PCSK2: variants seen among roughly 807,000 people sequenced by gnomAD.
The protein encoded by PCSK2 is proprotein convertase subtilisin/kexin type 2.
A neutral mutation model predicts 69.7 loss-of-function variants in PCSK2; 14 were observed. The observed-to-expected ratio is 0.20, with a 90% CI of 0.13 to 0.31. The LOEUF (loss-of-function observed/expected upper bound fraction) is 0.31. PCSK2 is among the 10% of genes least tolerant of loss of function. The pLI, the probability that PCSK2 is intolerant of heterozygous loss-of-function variation, is 1.00. For synonymous variants in PCSK2, 307 were observed against 320.7 expected (o/e 0.96, Z 0.46); for missense variants, 544 against 842.5 (o/e 0.65, Z 4.39).
At chr20:17,312,725 G>C (rs1201372790) in intron 2 of PCSK2, among the ~76,000 whole-genome samples, 1 of 152,064 alleles carries the variant, frequency 6.6e-6, no homozygotes, top group Non-Finnish European at 1.5e-5. Context: ...GAGAGGTGCT[G>C]TAGTGGTGGA....
chr20:17,360,687 T>C (rs1308018186), intron 4 of PCSK2, 47 bp downstream of exon 4: 1 of 1,134,732 alleles, frequency 8.8e-7, no homozygotes. Context: ...AGCGTGCCTT[T>C]GCTTGCCTTT....
rs1164266992 is a variant in PCSK2 at position 17,480,184 on chromosome 20, C to CTTT, written c.1431-1379_1431-1377dup. 2.3e-3 allele frequency among the ~76,000 whole-genome samples: 175 copies of CTTT among 76,954 alleles called. 3 individuals carry two copies. Among genetic ancestry groups the CTTT allele is most frequent in the Middle Eastern group, 9.6e-3 (1 of 104 alleles). The allele number at this position is 76,954 out of a possible 152,430, so 50.5% of individuals were successfully genotyped here. On this transcript the variant is annotated intron_variant, in intron 11 of 11. Transcript: ENST00000262545. ...ATTAATTTACCCATTTTCAGCTTTT[C>CTTT]TTTTTTTTTTTTTTTTTTTTTTTGA...
rs1350012614 is a variant in PCSK2, at chr20:17,484,355, C to T, written c.*2285C>T. ...TATTTGGTCTCTATTTCATTTTTTG[C>T]ATCAGTATTAATACTAAAATATGTC... is the stretch of plus-strand genomic sequence containing the variant. On this transcript the variant is annotated 3_prime_UTR_variant, in exon 12 of 12. Coordinates refer to ENST00000262545, the MANE Select transcript of PCSK2 (RefSeq NM_002594.5). 1 of 152,192 alleles carries T rather than the reference C, an allele frequency of 6.6e-6. No individual in the cohort carries two copies. Among genetic ancestry groups the T allele is most frequent in the Non-Finnish European group, 1.5e-5 (1 of 67,892 alleles). The allele number at this position is 152,192 out of a possible 1,614,324, so 9.4% of individuals were successfully genotyped here.
chr20:17,323,988 C>T (rs1989959353), intron 2 of PCSK2, among the ~76,000 whole-genome samples: 1 of 152,218 alleles, frequency 6.6e-6, no homozygotes. Flanking sequence ...CAGAGAAGCC[C>T]TCAACCAATG....
intron 1 of PCSK2, among the ~76,000 whole-genome samples, chr20:17,236,348 T>C (rs1258804398): frequency 6.6e-6 from 1 of 152,146 alleles, no homozygotes; most frequent in Non-Finnish European, 1.5e-5. Context: ...TGTCTCATAT[T>C]TAGGAGTTTG....
chr20:17,303,542 A>T (rs372904345), intron 2 of PCSK2, among the ~76,000 whole-genome samples: 9 of 43,700 alleles, frequency 2.1e-4, no homozygotes, highest in Middle Eastern at 0.017. Context: ...TATTATATAT[A>T]ATATGATATA....
intron 2 of PCSK2, among the ~76,000 whole-genome samples, chr20:17,336,111 C>T (rs1272039437): frequency 1.3e-5 from 2 of 152,132 alleles, no homozygotes; most frequent in African/African-American, 4.8e-5. Context: ...TTAACACTGT[C>T]ACAATTGTAA....
intron 2 of PCSK2, among the ~76,000 whole-genome samples, chr20:17,303,479 AAT>A (rs1178035941): frequency 9.0e-5 from 4 of 44,660 alleles, no homozygotes; most frequent in Non-Finnish European, 1.9e-4. Context: ...TATTATATAT[AAT>A]ATATATTATA....
intron 7 of PCSK2, among the ~76,000 whole-genome samples, chr20:17,435,379 G>A (rs534768899): frequency 2.0e-5 from 3 of 152,300 alleles, no homozygotes; most frequent in South Asian, 4.1e-4. Flanking sequence ...AAGTAGTTGC[G>A]ATAGAAGGTT....
At chr20:17,446,978 C>T (rs919013455) in intron 8 of PCSK2, among the ~76,000 whole-genome samples, 3 of 151,954 alleles carry the variant, frequency 2.0e-5, no homozygotes, top group African/African-American at 7.3e-5. Flanking sequence ...TGAGGTCAGG[C>T]GAGGTGGCTC....
At chr20:17,459,971 G>A (rs1409484961) in intron 10 of PCSK2, among the ~76,000 whole-genome samples, 2 of 152,174 alleles carry the variant, frequency 1.3e-5, no homozygotes, top group Admixed American at 6.5e-5. Flanking sequence ...ATGAAACAAC[G>A]AATCCAAATA....
At chr20:17,367,160 C>A (rs989195227) in intron 4 of PCSK2, among the ~76,000 whole-genome samples, 1 of 150,982 alleles carries the variant, frequency 6.6e-6, no homozygotes, top group Non-Finnish European at 1.5e-5. Context: ...AATTTTTCAC[C>A]CAATGAGTTC....
At chr20:17,369,103 T>C (rs1403778532) in intron 4 of PCSK2, 137 bp from the exon 5 acceptor site, 1 of 717,824 alleles carries the variant, frequency 1.4e-6, no homozygotes, top group Non-Finnish European at 2.5e-6. Flanking sequence ...CTGGGAGCTG[T>C]GTGATGGGGC....
intron 2 of PCSK2, chr20:17,263,077 G>C (rs866979153): frequency 4.4e-6 from 4 of 913,948 alleles, no homozygotes; most frequent in Middle Eastern, 5.6e-4. Context: ...TTCATCTACT[G>C]AGGTAGCTTT....
intron 6 of PCSK2, among the ~76,000 whole-genome samples, chr20:17,410,526 T>G (rs16999123): frequency 0.085 from 12,987 of 152,172 alleles, 634 homozygotes; most frequent in Middle Eastern, 0.22. Context: ...GAAATTTAAT[T>G]TTGTAATATT....
At chr20:17,237,102 G>T (rs1392009186) in intron 1 of PCSK2, among the ~76,000 whole-genome samples, 1 of 151,974 alleles carries the variant, frequency 6.6e-6, no homozygotes, top group Admixed American at 6.6e-5. Flanking sequence ...AGAGGTGAGA[G>T]AAATGGAATC....
intron 2 of PCSK2, among the ~76,000 whole-genome samples, chr20:17,328,142 G>A (rs554238032): frequency 5.9e-5 from 9 of 152,182 alleles, no homozygotes; most frequent in African/African-American, 1.7e-4. Context: ...ATTCACCAAC[G>A]TTAAATTTCC....
chr20:17,241,680 A>G (rs1600402077), intron 1 of PCSK2, among the ~76,000 whole-genome samples: 1 of 152,234 alleles, frequency 6.6e-6, no homozygotes, highest in African/African-American at 2.4e-5. Context: ...TTGTAGTCAC[A>G]CTGAACGGCT....
intron 1 of PCSK2, among the ~76,000 whole-genome samples, chr20:17,254,651 T>C (rs1345906844): frequency 6.6e-6 from 1 of 152,232 alleles, no homozygotes; most frequent in African/African-American, 2.4e-5. Flanking sequence ...TCCAACTTTG[T>C]TCTTCTTTAT....
Sources: allele counts gnomAD v4.1 joint callset (sites outside exome capture counted in the v4.1 genomes callset), GRCh38; gene constraint gnomAD v4.1.1; transcripts MANE v1.5; gene names NCBI Gene and HGNC (gene_info 2026-07-23, HGNC 2026-07-21).